CAMTA1: variants seen among roughly 807,000 people sequenced by gnomAD.
The protein encoded by CAMTA1 is calmodulin-binding transcription activator 1.
CAMTA1 carries 27 observed loss-of-function variants against 170.9 expected under a neutral mutation model. The ratio of observed to expected loss-of-function variants is 0.16; its 90% confidence interval spans 0.12 to 0.22. The LOEUF (loss-of-function observed/expected upper bound fraction) is 0.22, where lower values mean the gene tolerates loss of function less well. CAMTA1 is among the 10% of genes least tolerant of loss of function. The probability of loss-of-function intolerance (pLI) is 1.00; values close to 1 mark genes in which losing one functional copy is unlikely to be tolerated. For synonymous variants in CAMTA1, 833 were observed against 891.5 expected (o/e 0.93, Z 1.17); for missense variants, 1,619 against 2,217.2 (o/e 0.73, Z 5.42).
chr1:7,471,791 A>G lies in CAMTA1; in HGVS notation c.510+3890A>G, dbSNP rs1368399391. ...GGTCCCTCCTGTTTGGGATTTTCTG[A>G]TGGTTTCGAGGGGTAGGCAGCAGAG... On this transcript the variant is annotated intron_variant, in intron 6 of 22. Transcript: ENST00000303635. Among the ~76,000 whole-genome samples the G allele has an allele frequency of 2.6e-5, 4 of 152,116 alleles. No homozygotes were observed. The East Asian group carries it at 7.8e-4, about 30-fold the overall frequency.
chr1:7,184,887 T>A (rs1401971514), intron 4 of CAMTA1, among the ~76,000 whole-genome samples: 1 of 152,202 alleles, frequency 6.6e-6, no homozygotes, highest in Non-Finnish European at 1.5e-5. Flanking sequence ...ACTTTTGGGC[T>A]CTGTATTTTG....
chr1:7,229,613 A>C (rs1558278596), intron 4 of CAMTA1, among the ~76,000 whole-genome samples: 2 of 99,448 alleles, frequency 2.0e-5, no homozygotes, highest in African/African-American at 4.0e-5. Context: ...AGGGGAGGCT[A>C]GGAGGAGAGG....
At chr1:7,749,743 A>C (rs998786345) in intron 19 of CAMTA1, 2 of 455,540 alleles carry the variant, frequency 4.4e-6, no homozygotes, top group African/African-American at 4.0e-5. Context: ...TGTAACATTA[A>C]TCTTGTATTT....
chr1:7,516,053 G>A (rs1378289551), intron 6 of CAMTA1, among the ~76,000 whole-genome samples: 3 of 152,228 alleles, frequency 2.0e-5, no homozygotes, highest in Admixed American at 6.5e-5. Flanking sequence ...TTCCTGGACC[G>A]GCCCCCACCA....
In CAMTA1 at chr1:7,395,441, A is replaced by G. The variant is rs139741955; in HGVS notation, c.439-72389A>G. 2.8e-3 allele frequency among the ~76,000 whole-genome samples: 433 copies of G among 152,162 alleles called. 2 individuals are homozygous for G. The highest frequency in any genetic ancestry group is 0.01 in the Middle Eastern group (3 of 294). On this transcript the variant is annotated intron_variant, in intron 5 of 22. Coordinates refer to ENST00000303635, the MANE Select transcript of CAMTA1 (RefSeq NM_015215.4). Reference sequence around the variant, plus strand: ...TCCATTCGTCTATATGTCTGTGTTTATGGTGGTGCCATGCTGTTTTGATTA... The same window carrying G: ...TCCATTCGTCTATATGTCTGTGTTTGTGGTGGTGCCATGCTGTTTTGATTA...
chr1:6,842,186 TCA>T (rs1009030806), intron 3 of CAMTA1, among the ~76,000 whole-genome samples: 1 of 152,224 alleles, frequency 6.6e-6, no homozygotes, highest in Non-Finnish European at 1.5e-5. Flanking sequence ...CACAACATGC[TCA>T]CAGAGGTGGA....
At chr1:7,319,387 T>G (rs1182348712) in intron 5 of CAMTA1, among the ~76,000 whole-genome samples, 2 of 152,036 alleles carry the variant, frequency 1.3e-5, no homozygotes, top group Admixed American at 1.3e-4. Context: ...TGAGATCTGG[T>G]TGTTTATAAG....
At chr1:7,659,039 T>C (rs950925356) in intron 7 of CAMTA1, among the ~76,000 whole-genome samples, 6 of 152,070 alleles carry the variant, frequency 3.9e-5, no homozygotes, top group Admixed American at 2.0e-4. Context: ...CCCACCAGAA[T>C]CCCAGGCCCC....
chr1:7,642,203 G>C lies in CAMTA1; in HGVS notation c.664+1650G>C, dbSNP rs1044365498. Among the ~76,000 whole-genome samples, 1 of 152,192 alleles carries C rather than the reference G, an allele frequency of 6.6e-6. No individual in the cohort carries two copies. Among genetic ancestry groups the C allele is most frequent in the African/African-American group, 2.4e-5 (1 of 41,448 alleles). On this transcript the variant is annotated intron_variant, in intron 7 of 22. Coordinates refer to ENST00000303635, the MANE Select transcript of CAMTA1 (RefSeq NM_015215.4). The surrounding 1 kb of genome is among the most constrained non-coding windows in gnomAD (Gnocchi z 6.3). ...CCCGCGCTTCATCAGGAGGGGCCTC[G>C]TGAGCCTCTTCAAAATGCTGCCGAG...
intron 7 of CAMTA1, among the ~76,000 whole-genome samples, chr1:7,652,163 T>C: frequency 6.6e-6 from 1 of 151,508 alleles, no homozygotes; most frequent in Middle Eastern, 3.4e-3. Context: ...TTTATAGAAA[T>C]TCCCCCCAAA....
Position 7,195,159 on chromosome 1 carries a change from G to A in CAMTA1, c.303-54332G>A, listed in dbSNP as rs535467099. Among the ~76,000 whole-genome samples, 8 of 152,266 alleles carry A rather than the reference G, an allele frequency of 5.3e-5. No homozygotes were observed. The South Asian group carries it at 6.2e-4, about 12-fold the overall frequency. On this transcript the variant is annotated intron_variant, in intron 4 of 22. Coordinates refer to ENST00000303635, the MANE Select transcript of CAMTA1 (RefSeq NM_015215.4). This position sits in a 1 kb window ranked among gnomAD's most constrained non-coding sequence, Gnocchi z 4.1. ...CCAGCAGCAGGCGAGGTTTTCTGTCGTCCAGCACGTGCAAGAGAAGGGCTG... is the reference window on the plus strand; with the variant it reads ...CCAGCAGCAGGCGAGGTTTTCTGTCATCCAGCACGTGCAAGAGAAGGGCTG...
At chr1:7,060,858 G>A (rs940601198) in intron 3 of CAMTA1, among the ~76,000 whole-genome samples, 2 of 152,230 alleles carry the variant, frequency 1.3e-5, no homozygotes, top group Admixed American at 1.3e-4. Flanking sequence ...GGAAAGCGGA[G>A]TTGCTGGCGA....
At chr1:7,227,152 G>A (rs558434739) in intron 4 of CAMTA1, among the ~76,000 whole-genome samples, 13 of 151,896 alleles carry the variant, frequency 8.6e-5, no homozygotes, top group African/African-American at 2.2e-4. Context: ...CATTTTTAGG[G>A]GTTTTCCACA....
At chr1:7,334,785 G>A (rs1574751838) in intron 5 of CAMTA1, among the ~76,000 whole-genome samples, 1 of 152,138 alleles carries the variant, frequency 6.6e-6, no homozygotes. Context: ...GCTGTCATTC[G>A]GTATGCAAAT....
intron 4 of CAMTA1, among the ~76,000 whole-genome samples, chr1:7,167,585 T>A (rs1439614014): frequency 2.6e-5 from 4 of 152,214 alleles, no homozygotes; most frequent in African/African-American, 9.7e-5. Context: ...TTTCACCTAT[T>A]CTTGGCCTTT....
At chr1:7,162,392 C>CT (rs1320377162) in intron 4 of CAMTA1, among the ~76,000 whole-genome samples, 4 of 152,122 alleles carry the variant, frequency 2.6e-5, no homozygotes, top group African/African-American at 9.7e-5. Context: ...CACAGTGTGT[C>CT]TTAGAACCCT....
chr1:7,142,265 A>C (rs992074104), intron 4 of CAMTA1: 2 of 454,938 alleles, frequency 4.4e-6, no homozygotes, highest in Non-Finnish European at 8.8e-6. Context: ...CTTTCTTTCA[A>C]CTCTGCTAAG....
At chr1:7,247,043 C>A (rs1665927833) in intron 4 of CAMTA1, among the ~76,000 whole-genome samples, 4 of 152,214 alleles carry the variant, frequency 2.6e-5, no homozygotes. Flanking sequence ...CTTTGCTGTT[C>A]CTAGGACCCT....
chr1:6,951,621 C>T (rs114891491), intron 3 of CAMTA1, among the ~76,000 whole-genome samples: 1,527 of 152,310 alleles, frequency 0.01, 23 homozygotes, highest in African/African-American at 0.035. Context: ...ACTCAGGAGA[C>T]CCCAGTCTCC....
Sources: allele counts gnomAD v4.1 joint callset (sites outside exome capture counted in the v4.1 genomes callset), GRCh38; gene constraint gnomAD v4.1.1; non-coding constraint Gnocchi (gnomAD v3.1); transcripts MANE v1.5; gene names NCBI Gene and HGNC (gene_info 2026-07-23, HGNC 2026-07-21).